Variants in FRMPD1 observed in about 807,000 individuals in gnomAD.
FRMPD1 encodes the protein FERM and PDZ domain-containing protein 1.
In FRMPD1, 76 loss-of-function variants were observed where a neutral mutation model predicts 117.8. The observed-to-expected ratio is 0.65, with a 90% CI of 0.54 to 0.78. The LOEUF is 0.78. Ranked by LOEUF, FRMPD1 falls within the 30% of genes least tolerant of loss-of-function variation. The pLI, the probability that FRMPD1 is intolerant of heterozygous loss-of-function variation, is 0.00. For missense variants in FRMPD1, 1,786 were observed against 1,964.5 expected, an observed-to-expected ratio of 0.91 and a Z score of 1.72; for synonymous variants, 783 against 770.4, an observed-to-expected ratio of 1.02 and a Z score of -0.27.
At chr9:37,640,754 A>G in the FRMPD1 span, among the ~76,000 whole-genome samples, 15 of 152,192 alleles carry the variant, frequency 9.9e-5, no homozygotes, top group Non-Finnish European at 1.8e-4. Context: ...TTTTGTGAGT[A>G]TTTGCTCTTT....
chr9:37,690,420 T>G (rs998466143), intron 1 of FRMPD1, among the ~76,000 whole-genome samples: 1 of 152,220 alleles, frequency 6.6e-6, no homozygotes, highest in South Asian at 2.1e-4. Context: ...GTTTTCTACA[T>G]TGTCTCTGTT....
chr9:37,743,012 T>C (rs1269460469), intron 15 of FRMPD1, among the ~76,000 whole-genome samples: 3 of 152,246 alleles, frequency 2.0e-5, no homozygotes, highest in East Asian at 3.8e-4. Context: ...AGGTTTCTAA[T>C]AGCATACAGC....
intron 14 of FRMPD1, among the ~76,000 whole-genome samples, chr9:37,738,554 G>T (rs993283600): frequency 4.6e-5 from 7 of 152,134 alleles, no homozygotes; most frequent in Non-Finnish European, 5.9e-5. Context: ...GGTCAGACTG[G>T]TCTCGAGCCC....
In FRMPD1 at chr9:37,735,716, G is replaced by A. The variant is rs1012707019; in HGVS notation, c.1383G>A (p.Val461=). ...EESEKVSVVK[V]YLQDVKVLTL... is the part of the protein sequence containing the mutation. Reference sequence around the variant, plus strand: ...CTGAGAAAGTGAGCGTCGTCAAAGTGTATCTTCAGGACGTCAAGGTAACAC... The same window carrying A: ...CTGAGAAAGTGAGCGTCGTCAAAGTATATCTTCAGGACGTCAAGGTAACAC... Residue 461 remains valine (V), a synonymous_variant, in exon 13 of 16, where the codon GTG becomes GTA. Coordinates refer to ENST00000377765, the MANE Select transcript of FRMPD1 (RefSeq NM_014907.3). 1.2e-6 allele frequency: 2 copies of A among 1,613,388 alleles called. No homozygotes were observed. The highest frequency in any genetic ancestry group is 1.7e-5 in the Admixed American group (1 of 60,006).
chr9:37,645,531 G>A, the FRMPD1 span, among the ~76,000 whole-genome samples: 30 of 152,140 alleles, frequency 2.0e-4, no homozygotes, highest in African/African-American at 7.2e-4. Flanking sequence ...GGTAAAAATA[G>A]ATCATCTTTG....
chr9:37,637,978 TTC>T, the FRMPD1 span, among the ~76,000 whole-genome samples: 1 of 115,020 alleles, frequency 8.7e-6, no homozygotes, highest in Non-Finnish European at 1.8e-5. Context: ...CTTTCTTTCT[TTC>T]TTTCTTTCTT....
chr9:37,731,163 T>C (rs1182862064), intron 9 of FRMPD1, 60 bp downstream of exon 9: 6 of 1,543,706 alleles, frequency 3.9e-6, no homozygotes, highest in Non-Finnish European at 5.4e-6. Context: ...GTGCACTGGG[T>C]GATTTTGAAC....
Position 37,746,499 on chromosome 9 carries a change from C to T in FRMPD1, c.4467C>T (p.Ala1489=), listed in dbSNP as rs147577823. The change falls in exon 16 of 16, where the codon GCC becomes GCT. Residue 1489 remains alanine, a synonymous_variant. Transcript: ENST00000377765. ...MDQSPEEMQG[A]VRDTFQHLVQ... ...AGTCCCCCGAAGAGATGCAGGGGGCCGTGCGTGACACCTTCCAGCACCTGG... is the reference window on the plus strand; with the variant it reads ...AGTCCCCCGAAGAGATGCAGGGGGCTGTGCGTGACACCTTCCAGCACCTGG... The T allele has an allele frequency of 5.8e-5, 94 of 1,613,566 alleles. No individual in the cohort carries two copies. In the East Asian group the frequency reaches 1.8e-3, roughly 32 times the overall value.
At chr9:37,721,633 G>C (rs1823403260) in intron 6 of FRMPD1, among the ~76,000 whole-genome samples, 1 of 152,122 alleles carries the variant, frequency 6.6e-6, no homozygotes, top group Non-Finnish European at 1.5e-5. Context: ...AAATGACCCA[G>C]AGATTGCATT....
chr9:37,695,434 G>A (rs1189377047), intron 2 of FRMPD1, among the ~76,000 whole-genome samples: 1 of 152,020 alleles, frequency 6.6e-6, no homozygotes, highest in African/African-American at 2.4e-5. Context: ...ATGTGTCTAG[G>A]GAGTTTTGCT....
the FRMPD1 span, among the ~76,000 whole-genome samples, chr9:37,618,958 A>T: frequency 6.6e-6 from 1 of 152,060 alleles, no homozygotes; most frequent in Non-Finnish European, 1.5e-5. Context: ...TCCTCCTGTG[A>T]GCTCCCTGCT....
chr9:37,635,846 C>T, the FRMPD1 span, among the ~76,000 whole-genome samples: 3 of 152,130 alleles, frequency 2.0e-5, no homozygotes, highest in African/African-American at 7.2e-5. Flanking sequence ...GCTCCAGAGA[C>T]CGAGGGGAGA....
the FRMPD1 span, among the ~76,000 whole-genome samples, chr9:37,629,583 A>G: frequency 1.3e-5 from 2 of 152,226 alleles, no homozygotes; most frequent in African/African-American, 4.8e-5. Context: ...TGTCTGGAAA[A>G]CATTTGATAC....
At chr9:37,727,543 GC>G (rs1283605101) in intron 7 of FRMPD1, among the ~76,000 whole-genome samples, 1 of 152,066 alleles carries the variant, frequency 6.6e-6, no homozygotes, top group Non-Finnish European at 1.5e-5. Flanking sequence ...AAATGCATGA[GC>G]CCAAGCTGAG....
chr9:37,626,081 C>G, the FRMPD1 span, among the ~76,000 whole-genome samples: 1 of 152,128 alleles, frequency 6.6e-6, no homozygotes, highest in Non-Finnish European at 1.5e-5. Context: ...AATCTCAGCA[C>G]TTTAAGAGCC....
chr9:37,658,376 G>A (rs1023702660), intron 1 of FRMPD1, among the ~76,000 whole-genome samples: 2 of 152,154 alleles, frequency 1.3e-5, no homozygotes, highest in Non-Finnish European at 2.9e-5. Flanking sequence ...ACGTGGGGTC[G>A]GGTGAGTGAG....
chr9:37,614,395 T>C, the FRMPD1 span, among the ~76,000 whole-genome samples: 1 of 152,210 alleles, frequency 6.6e-6, no homozygotes, highest in African/African-American at 2.4e-5. Context: ...AATATGGACT[T>C]ATTCATATTC....
intron 14 of FRMPD1, among the ~76,000 whole-genome samples, chr9:37,737,504 T>C (rs1824189100): frequency 6.6e-6 from 1 of 152,178 alleles, no homozygotes; most frequent in African/African-American, 2.4e-5. Context: ...TTTCCTAAGA[T>C]TGTCTCTCAG....
chr9:37,647,158 T>A (rs1023216697), upstream of FRMPD1, among the ~76,000 whole-genome samples: 1 of 152,054 alleles, frequency 6.6e-6, no homozygotes, highest in Non-Finnish European at 1.5e-5. Context: ...TAATATTAGA[T>A]CATTTGATGC....
Sources: allele counts gnomAD v4.1 joint callset (sites outside exome capture counted in the v4.1 genomes callset), GRCh38; gene constraint gnomAD v4.1.1; transcripts MANE v1.5; gene names NCBI Gene and HGNC (gene_info 2026-07-23, HGNC 2026-07-21).